The following RANBP2 variants were observed in gnomAD, a reference collection of about 807,000 sequenced individuals.
RANBP2 encodes E3 SUMO-protein ligase RanBP2.
In RANBP2, 57 loss-of-function variants were observed where a neutral mutation model predicts 303.6. The observed-to-expected ratio is 0.19, with a 90% CI of 0.15 to 0.23. RANBP2 has a LOEUF of 0.23. Ranked by LOEUF, RANBP2 falls within the 10% of genes least tolerant of loss-of-function variation. The probability of loss-of-function intolerance (pLI) is 1.00; values close to 1 mark genes in which losing one functional copy is unlikely to be tolerated. For missense variants in RANBP2, 3,138 were observed against 3,780.8 expected, an observed-to-expected ratio of 0.83 and a Z score of 4.46; for synonymous variants, 1,167 against 1,301.5, an observed-to-expected ratio of 0.90 and a Z score of 2.23.
chr2:109,098,621 T>C, the RANBP2 span, among the ~76,000 whole-genome samples: 2 of 152,244 alleles, frequency 1.3e-5, no homozygotes, highest in Non-Finnish European at 2.9e-5. Context: ...ACTCAGCTCA[T>C]TGGAACACAT....
chr2:109,200,318 C>T, the RANBP2 span, among the ~76,000 whole-genome samples: 1 of 152,284 alleles, frequency 6.6e-6, no homozygotes, highest in Non-Finnish European at 1.5e-5. Flanking sequence ...CCAGACCCTG[C>T]CGCAGAACTC....
chr2:109,608,868 G>C, the RANBP2 span, among the ~76,000 whole-genome samples: 2 of 152,150 alleles, frequency 1.3e-5, no homozygotes, highest in African/African-American at 4.8e-5. Context: ...CATTACAAAA[G>C]CTTTGCGCAT....
At chr2:109,508,928 G>A in the RANBP2 span, among the ~76,000 whole-genome samples, 1 of 152,228 alleles carries the variant, frequency 6.6e-6, no homozygotes, top group African/African-American at 2.4e-5. Flanking sequence ...GGGACGGGGG[G>A]ATGCAGTCCA....
At chr2:108,976,910 T>A in the RANBP2 span, among the ~76,000 whole-genome samples, 1 of 152,130 alleles carries the variant, frequency 6.6e-6, no homozygotes, top group African/African-American at 2.4e-5. Flanking sequence ...CAGCCACTTC[T>A]CCAAGGAGTC....
chr2:109,632,298 G>T, the RANBP2 span, among the ~76,000 whole-genome samples: 1 of 152,154 alleles, frequency 6.6e-6, no homozygotes, highest in Non-Finnish European at 1.5e-5. Flanking sequence ...ACCTAAGGGG[G>T]TCATGGGAAC....
chr2:109,439,514 G>C, the RANBP2 span, among the ~76,000 whole-genome samples: 1 of 152,188 alleles, frequency 6.6e-6, no homozygotes, highest in Non-Finnish European at 1.5e-5. Flanking sequence ...CGATGGGTGG[G>C]AGGCATTTCA....
chr2:109,325,948 A>G, the RANBP2 span, among the ~76,000 whole-genome samples: 1 of 152,284 alleles, frequency 6.6e-6, no homozygotes, highest in African/African-American at 2.4e-5. Flanking sequence ...TTTTAATGAT[A>G]TTTTCACTGT....
chr2:109,111,810 G>A, the RANBP2 span, among the ~76,000 whole-genome samples: 1 of 126,794 alleles, frequency 7.9e-6, no homozygotes, highest in Admixed American at 9.8e-5. Context: ...AGTCCCCAGA[G>A]TGTGATGTTC....
intron 7 of RANBP2, among the ~76,000 whole-genome samples, chr2:108,742,600 G>A (rs570211955): frequency 2.6e-5 from 4 of 151,832 alleles, no homozygotes; most frequent in Admixed American, 6.6e-5. Flanking sequence ...CACCGAGCCC[G>A]GCCTGTAAAT....
the RANBP2 span, among the ~76,000 whole-genome samples, chr2:109,053,883 G>A: frequency 1.3e-5 from 2 of 150,860 alleles, no homozygotes; most frequent in South Asian, 2.1e-4. Context: ...GCCTGGCACC[G>A]GCTCACAGGC....
the RANBP2 span, among the ~76,000 whole-genome samples, chr2:108,821,704 G>A: frequency 6.6e-6 from 1 of 151,832 alleles, no homozygotes; most frequent in South Asian, 2.1e-4. Context: ...CAGTACTTTG[G>A]GAGGCTGAGA....
downstream of RANBP2, among the ~76,000 whole-genome samples, chr2:108,787,610 A>ATAAAATTTTTTCCTT (rs1679111449): frequency 3.9e-5 from 6 of 152,336 alleles, no homozygotes; most frequent in South Asian, 1.2e-3. Context: ...ATTTTTTCCT[A>ATAAAATTTTTTCCTT]GTGCAGATCC....
At chr2:109,615,793 G>GA in the RANBP2 span, 1 of 1,614,144 alleles carries the variant, frequency 6.2e-7, no homozygotes, top group Non-Finnish European at 8.5e-7. Context: ...CTAGAAGATG[G>GA]AGGGGACCAT....
the RANBP2 span, among the ~76,000 whole-genome samples, chr2:108,983,638 GA>G: frequency 6.6e-6 from 1 of 152,160 alleles, no homozygotes. Context: ...TCCTCCTCCA[GA>G]CTGACTTCCC....
At chr2:109,576,970 A>G in the RANBP2 span, among the ~76,000 whole-genome samples, 1 of 152,188 alleles carries the variant, frequency 6.6e-6, no homozygotes, top group Non-Finnish European at 1.5e-5. Context: ...CACACTATTC[A>G]GAGTCAAGAA....
At chr2:108,780,506 T>TC (rs1678175476) in intron 25 of RANBP2, among the ~76,000 whole-genome samples, 1 of 127,324 alleles carries the variant, frequency 7.9e-6, no homozygotes, top group South Asian at 2.5e-4. Context: ...CTGGGATCAG[T>TC]CACCCATGAC....
the RANBP2 span, among the ~76,000 whole-genome samples, chr2:108,953,317 G>A: frequency 2.0e-5 from 3 of 152,058 alleles, no homozygotes; most frequent in Non-Finnish European, 4.4e-5. Context: ...AAGACCCACC[G>A]GTAAACTTCA....
the RANBP2 span, among the ~76,000 whole-genome samples, chr2:109,733,687 T>C: frequency 2.0e-5 from 3 of 151,902 alleles, no homozygotes; most frequent in Non-Finnish European, 4.4e-5. Flanking sequence ...ACCTTGTCTC[T>C]ACAAAAAATA....
the RANBP2 span, among the ~76,000 whole-genome samples, chr2:109,084,713 C>T: frequency 6.6e-6 from 1 of 152,156 alleles, no homozygotes; most frequent in African/African-American, 2.4e-5. Context: ...AAAGGGCGTT[C>T]CTCATCCTGA....
Sources: gnomAD v4.1 joint callset for allele counts (sites outside exome capture counted in the v4.1 genomes callset) on GRCh38, gnomAD v4.1.1 for gene constraint, MANE v1.5 for transcripts, NCBI Gene and HGNC (gene_info 2026-07-23, HGNC 2026-07-21) for gene names.